Variants in KAZN observed in about 807,000 individuals in gnomAD.
KAZN encodes kazrin, periplakin interacting protein, also known as kazrin.
A neutral mutation model predicts 87.4 loss-of-function variants in KAZN; 40 were observed. That is an observed-to-expected ratio of 0.46 (90% CI 0.36 to 0.60). The LOEUF is 0.60. KAZN is among the 20% of genes least tolerant of loss of function. The probability of loss-of-function intolerance (pLI) is 0.00; values close to 1 mark genes in which losing one functional copy is unlikely to be tolerated. For missense variants in KAZN, 898 were observed against 1,073.9 expected (o/e 0.84, Z 2.29); for synonymous variants, 466 against 458.3 (o/e 1.02, Z -0.22).
intron 2 of KAZN, among the ~76,000 whole-genome samples, chr1:14,352,276 G>A (rs888021065): frequency 5.9e-5 from 9 of 151,998 alleles, no homozygotes; most frequent in Non-Finnish European, 1.2e-4. Flanking sequence ...TGTGGGAAGA[G>A]AGAGTCATGA....
chr1:14,122,766 C>T (rs953927204), intron 1 of KAZN, among the ~76,000 whole-genome samples: 1 of 152,192 alleles, frequency 6.6e-6, no homozygotes, highest in Admixed American at 6.5e-5. Flanking sequence ...TAAATACATT[C>T]TTTCCATTTG....
At chr1:14,881,782 T>G (rs1653366425) in intron 1 of KAZN, among the ~76,000 whole-genome samples, 1 of 152,242 alleles carries the variant, frequency 6.6e-6, no homozygotes, top group South Asian at 2.1e-4. Context: ...CTGAACTTGT[T>G]TCTGCATCCT....
intron 1 of KAZN, among the ~76,000 whole-genome samples, chr1:14,807,880 A>G (rs1358509112): frequency 1.3e-5 from 2 of 152,146 alleles, no homozygotes; most frequent in Non-Finnish European, 2.9e-5. Context: ...GGCTTGGAGC[A>G]GCCTCCACTC....
At position 14,625,624 on chromosome 1, in the gene KAZN, C is replaced by A. The variant is rs181282367; in HGVS notation, c.226+26401C>A. Among the ~76,000 whole-genome samples, 392 of 152,268 alleles carry A rather than the reference C, an allele frequency of 2.6e-3. 1 individual carries two copies. The highest frequency in any genetic ancestry group is 3.3e-3 in the Non-Finnish European group (225 of 68,028). On this transcript the variant is annotated intron_variant, in intron 1 of 14. Coordinates refer to ENST00000376030, the MANE Select transcript of KAZN (RefSeq NM_201628.3). ...CTATTTTGACAAGATAGAGTTTTGA[C>A]TGAGGTTGGGGGAAGCTAAAAGCGT...
intron 2 of KAZN, among the ~76,000 whole-genome samples, chr1:14,998,615 C>T (rs1668142011): frequency 1.3e-5 from 2 of 152,164 alleles, no homozygotes; most frequent in Non-Finnish European, 1.5e-5. Context: ...GTGGTGCCAT[C>T]TCAGCTCACG....
intron 1 of KAZN, among the ~76,000 whole-genome samples, chr1:14,037,583 G>T (rs1460531000): frequency 2.0e-5 from 3 of 152,120 alleles, no homozygotes; most frequent in African/African-American, 4.8e-5. Context: ...TGGCTTGCGG[G>T]GAGAAAGAAC....
At chr1:14,978,415 G>A (rs1027225645) in intron 2 of KAZN, among the ~76,000 whole-genome samples, 1 of 152,314 alleles carries the variant, frequency 6.6e-6, no homozygotes, top group Non-Finnish European at 1.5e-5. Context: ...TGTGATGGTG[G>A]GGAGGAGGGT....
intron 2 of KAZN, among the ~76,000 whole-genome samples, chr1:14,241,416 C>G (rs1648925228): frequency 1.3e-5 from 2 of 152,222 alleles, no homozygotes; most frequent in Non-Finnish European, 2.9e-5. Flanking sequence ...TCCTCTCTCT[C>G]TCTCCTACTG....
At chr1:14,070,213 G>A (rs1643195794) in intron 1 of KAZN, among the ~76,000 whole-genome samples, 2 of 128,970 alleles carry the variant, frequency 1.6e-5, no homozygotes, top group Non-Finnish European at 3.3e-5. Context: ...AGAAAAGAGG[G>A]AGGAGACAAA....
chr1:14,648,227 A>T (rs1680955037), intron 1 of KAZN, among the ~76,000 whole-genome samples: 1 of 152,250 alleles, frequency 6.6e-6, no homozygotes, highest in Non-Finnish European at 1.5e-5. Context: ...AAGGGAACAC[A>T]GCAAACTATT....
chr1:14,829,161 C>T (rs1646984035), intron 1 of KAZN, among the ~76,000 whole-genome samples: 1 of 152,186 alleles, frequency 6.6e-6, no homozygotes, highest in African/African-American at 2.4e-5. Context: ...CTAATAGTGT[C>T]GTGACTGACT....
chr1:14,072,612 A>G (rs959363747), intron 1 of KAZN, among the ~76,000 whole-genome samples: 22 of 152,224 alleles, frequency 1.4e-4, no homozygotes, highest in African/African-American at 5.1e-4. Flanking sequence ...AAGCCCTGGT[A>G]TCCTTCCACT....
chr1:14,230,385 T>C (rs1647701204), intron 2 of KAZN, among the ~76,000 whole-genome samples: 1 of 152,146 alleles, frequency 6.6e-6, no homozygotes, highest in Admixed American at 6.5e-5. Flanking sequence ...ACAGTATTAT[T>C]TTACTATTTT....
chr1:14,511,651 T>C (rs1398796159), intron 2 of KAZN, among the ~76,000 whole-genome samples: 4 of 152,214 alleles, frequency 2.6e-5, no homozygotes, highest in African/African-American at 4.8e-5. Context: ...TTCTGAACAA[T>C]GTAGATTTTC....
intron 1 of KAZN, among the ~76,000 whole-genome samples, chr1:14,888,415 A>C (rs949413428): frequency 1.3e-5 from 2 of 152,346 alleles, no homozygotes; most frequent in East Asian, 3.9e-4. Context: ...CCACGAGGTC[A>C]GGTAGGAGGC....
chr1:14,077,148 C>G (rs1478050884), intron 1 of KAZN, among the ~76,000 whole-genome samples: 4 of 152,156 alleles, frequency 2.6e-5, no homozygotes, highest in Non-Finnish European at 5.9e-5. Context: ...AACTCAGCCT[C>G]TGTGTTACAT....
At chr1:14,164,046 C>A (rs9287296) in intron 1 of KAZN, among the ~76,000 whole-genome samples, 2 of 152,002 alleles carry the variant, frequency 1.3e-5, no homozygotes, top group African/African-American at 2.4e-5. Flanking sequence ...AAAAGCCACC[C>A]AAATTTTTAG....
chr1:14,764,386 A>AC (rs55743205), intron 1 of KAZN, among the ~76,000 whole-genome samples: 1,702 of 117,516 alleles, frequency 0.014, 75 homozygotes, highest in African/African-American at 0.05. Flanking sequence ...CCTCCCCCAC[A>AC]CCCCCCCCAC....
intron 1 of KAZN, among the ~76,000 whole-genome samples, chr1:14,742,386 A>G (rs979831973): frequency 3.9e-5 from 6 of 152,264 alleles, no homozygotes; most frequent in Non-Finnish European, 8.8e-5. Flanking sequence ...ATAGAAGCTT[A>G]TTCATTCATT....
Sources: allele counts gnomAD v4.1 joint callset (sites outside exome capture counted in the v4.1 genomes callset), GRCh38; gene constraint gnomAD v4.1.1; transcripts MANE v1.5; gene names NCBI Gene and HGNC (gene_info 2026-07-23, HGNC 2026-07-21).